The following TESK2 variants were observed in gnomAD, a reference collection of about 807,000 sequenced individuals.
TESK2 encodes the protein dual specificity testis-specific protein kinase 2.
TESK2 carries 39 observed loss-of-function variants against 57.1 expected under a neutral mutation model. The observed-to-expected ratio is 0.68, with a 90% CI of 0.53 to 0.89. The LOEUF (loss-of-function observed/expected upper bound fraction) is 0.89. TESK2 is among the 40% of genes least tolerant of loss of function. TESK2 has a pLI of 0.00. For synonymous variants in TESK2, 249 were observed against 267.9 expected, an observed-to-expected ratio of 0.93 and a Z score of 0.69; for missense variants, 646 against 732.1, an observed-to-expected ratio of 0.88 and a Z score of 1.36.
At chr1:45,348,991 C>T (rs961492332) in intron 5 of TESK2, among the ~76,000 whole-genome samples, 1 of 152,072 alleles carries the variant, frequency 6.6e-6, no homozygotes, top group South Asian at 2.1e-4. Context: ...TAGCTGCTTT[C>T]AAAATAGCCC....
At chr1:45,384,619 T>TTTA (rs1557551641) in intron 4 of TESK2, among the ~76,000 whole-genome samples, 2 of 136,456 alleles carry the variant, frequency 1.5e-5, no homozygotes, top group Non-Finnish European at 3.1e-5. Flanking sequence ...TTTTTTTTTT[T>TTTA]TTTTTTTGTA....
At chr1:45,486,140 A>G (rs1326687954) in intron 1 of TESK2, among the ~76,000 whole-genome samples, 1 of 152,208 alleles carries the variant, frequency 6.6e-6, no homozygotes, top group Non-Finnish European at 1.5e-5. Flanking sequence ...ACTACACTGA[A>G]GTCATCTCCA....
At chr1:45,429,367 G>A (rs1439275305) in intron 2 of TESK2, among the ~76,000 whole-genome samples, 1 of 151,968 alleles carries the variant, frequency 6.6e-6, no homozygotes, top group Non-Finnish European at 1.5e-5. Context: ...TTGCACTCCA[G>A]CCTGGGTGAC....
chr1:45,425,897 C>T (rs1284184013), intron 2 of TESK2, among the ~76,000 whole-genome samples: 2 of 151,838 alleles, frequency 1.3e-5, no homozygotes, highest in Admixed American at 6.6e-5. Flanking sequence ...GTAATCCCAG[C>T]ACTTTGGGAG....
At chr1:45,402,109 G>C (rs1181146005) in intron 3 of TESK2, among the ~76,000 whole-genome samples, 5 of 150,894 alleles carry the variant, frequency 3.3e-5, no homozygotes, top group Non-Finnish European at 5.9e-5. Flanking sequence ...AAGAAAAGAG[G>C]CCAGGCACAG....
chr1:45,464,107 G>C (rs1333411496), intron 1 of TESK2, among the ~76,000 whole-genome samples: 2 of 152,134 alleles, frequency 1.3e-5, no homozygotes, highest in African/African-American at 4.8e-5. Context: ...CACTGAATCT[G>C]TAGATCGTTT....
intron 3 of TESK2, among the ~76,000 whole-genome samples, chr1:45,405,579 C>T (rs1402726030): frequency 6.6e-6 from 1 of 151,350 alleles, no homozygotes; most frequent in Admixed American, 6.6e-5. Context: ...ATCGCTTGAG[C>T]TCAGGAGTTC....
chr1:45,367,354 G>A (rs907496018), intron 4 of TESK2, among the ~76,000 whole-genome samples: 1 of 151,354 alleles, frequency 6.6e-6, no homozygotes, highest in Non-Finnish European at 1.5e-5. Flanking sequence ...CTCAGTAAAC[G>A]GCATCGCCAC....
intron 2 of TESK2, among the ~76,000 whole-genome samples, chr1:45,432,584 G>A (rs1472608563): frequency 2.7e-5 from 4 of 149,934 alleles, no homozygotes; most frequent in Admixed American, 6.6e-5. Flanking sequence ...CCAGCTACTC[G>A]GGAGGCTGAG....
chr1:45,383,039 T>C, intron 4 of TESK2, among the ~76,000 whole-genome samples: 1 of 152,368 alleles, frequency 6.6e-6, no homozygotes, highest in Non-Finnish European at 1.5e-5. Flanking sequence ...ATATTCTTCC[T>C]AATAATGTCA....
At chr1:45,345,856 C>T (rs756314558) in intron 10 of TESK2, 21 bp downstream of exon 10, 2 of 1,597,052 alleles carry the variant, frequency 1.3e-6, no homozygotes, top group South Asian at 1.1e-5. Context: ...TTAGGTTGGG[C>T]TCCCTGGTCT....
chr1:45,415,951 AT>A (rs1488390341), intron 3 of TESK2, among the ~76,000 whole-genome samples: 2 of 151,342 alleles, frequency 1.3e-5, no homozygotes, highest in Non-Finnish European at 2.9e-5. Context: ...TTTTTTTGCA[AT>A]TGTTTGTTTT....
chr1:45,427,690 T>C (rs531644683), intron 2 of TESK2, among the ~76,000 whole-genome samples: 6 of 152,186 alleles, frequency 3.9e-5, no homozygotes, highest in Non-Finnish European at 8.8e-5. Flanking sequence ...TTCTCATTTA[T>C]TTGTGGGAGC....
At chr1:45,445,755 A>C (rs1651620196) in intron 2 of TESK2, among the ~76,000 whole-genome samples, 1 of 152,034 alleles carries the variant, frequency 6.6e-6, no homozygotes, top group Admixed American at 6.6e-5. Context: ...TGATCACATC[A>C]CCACACTGCA....
At chr1:45,412,744 T>G (rs1407209803) in intron 3 of TESK2, among the ~76,000 whole-genome samples, 2 of 152,156 alleles carry the variant, frequency 1.3e-5, no homozygotes. Flanking sequence ...AGAGACCCAG[T>G]GCAGTGGCTC....
At chr1:45,411,707 C>T (rs962946949) in intron 3 of TESK2, among the ~76,000 whole-genome samples, 1 of 152,166 alleles carries the variant, frequency 6.6e-6, no homozygotes, top group African/African-American at 2.4e-5. Context: ...ACCAAATTGT[C>T]CATAAAAACT....
intron 1 of TESK2, among the ~76,000 whole-genome samples, chr1:45,476,353 C>T (rs1652989829): frequency 6.6e-6 from 1 of 152,032 alleles, no homozygotes. Context: ...ACAAAAAATA[C>T]AAAAATTGGC....
chr1:45,360,155 G>A (rs751866759), intron 4 of TESK2, among the ~76,000 whole-genome samples: 11 of 152,180 alleles, frequency 7.2e-5, no homozygotes, highest in African/African-American at 1.2e-4. Context: ...TAAGCACAGC[G>A]CCTTGCTCTC....
At chr1:45,405,378 G>GT (rs1649796507) in intron 3 of TESK2, among the ~76,000 whole-genome samples, 1 of 151,974 alleles carries the variant, frequency 6.6e-6, no homozygotes, top group African/African-American at 2.4e-5. Context: ...GTGTATGGTG[G>GT]TTTGAAATAA....
Sources: gnomAD v4.1 joint callset for allele counts (sites outside exome capture counted in the v4.1 genomes callset) on GRCh38, gnomAD v4.1.1 for gene constraint, MANE v1.5 for transcripts, NCBI Gene and HGNC (gene_info 2026-07-23, HGNC 2026-07-21) for gene names.